MVB12B: variants seen among roughly 807,000 people sequenced by gnomAD.
The protein encoded by MVB12B is multivesicular body subunit 12B.
MVB12B carries 16 observed loss-of-function variants against 41.6 expected under a neutral mutation model. The ratio of observed to expected loss-of-function variants is 0.38; its 90% CI spans 0.26 to 0.58. The LOEUF (loss-of-function observed/expected upper bound fraction) is 0.58, where lower values mean the gene tolerates loss of function less well. Ranked by LOEUF, MVB12B falls within the 20% of genes least tolerant of loss-of-function variation. The pLI is 0.62. For synonymous variants in MVB12B, 133 were observed against 139.7 expected, an observed-to-expected ratio of 0.95 and a Z score of 0.34; for missense variants, 274 against 380.2, an observed-to-expected ratio of 0.72 and a Z score of 2.32.
intron 5 of MVB12B, among the ~76,000 whole-genome samples, chr9:126,394,456 G>A (rs1468013419): frequency 1.3e-5 from 2 of 152,096 alleles, no homozygotes. Context: ...TCATCTTGGG[G>A]CAACAGTTCT....
At chr9:126,374,719 A>G (rs1830434443) in intron 2 of MVB12B, among the ~76,000 whole-genome samples, 1 of 152,176 alleles carries the variant, frequency 6.6e-6, no homozygotes, top group Non-Finnish European at 1.5e-5. Context: ...AGCTTTGGAC[A>G]TTGTCACCCA....
chr9:126,421,899 C>T lies in MVB12B; in HGVS notation c.708C>T (p.Ser236=), dbSNP rs1309589087. The T allele has an allele frequency of 6.2e-7, 1 of 1,613,974 alleles. No individual in the cohort carries two copies. Among genetic ancestry groups the T allele is most frequent in the African/African-American group, 1.3e-5 (1 of 74,898 alleles). Reference sequence around the variant, plus strand: ...CTGCCACCTTCCGAGGCAGGAACAGCACCCGGACGGACTACGAGTACCAGC... The same window carrying T: ...CTGCCACCTTCCGAGGCAGGAACAGTACCCGGACGGACTACGAGTACCAGC... ...TLPATFRGRN[S]TRTDYEYQHS... The change falls in exon 7 of 10, where the codon AGC becomes AGT. Residue 236 remains serine, a synonymous_variant. Transcript: ENST00000361171.
At chr9:126,460,296 C>T (rs2119174858) in intron 7 of MVB12B, among the ~76,000 whole-genome samples, 1 of 152,286 alleles carries the variant, frequency 6.6e-6, no homozygotes, top group South Asian at 2.1e-4. Flanking sequence ...CACAGGCACT[C>T]GGGCCTCAGT....
intron 9 of MVB12B, among the ~76,000 whole-genome samples, chr9:126,502,357 TAAGTG>T (rs1446231795): frequency 6.6e-6 from 1 of 152,086 alleles, no homozygotes; most frequent in Non-Finnish European, 1.5e-5. Context: ...CCTGGCCTCT[TAAGTG>T]AACTACAGGT....
At chr9:126,396,626 C>A in intron 6 of MVB12B, 2 of 985,470 alleles carry the variant, frequency 2.0e-6, no homozygotes, top group Non-Finnish European at 2.4e-6. Context: ...CTGTGCCAAG[C>A]CTCCGTCTCA....
intron 6 of MVB12B, among the ~76,000 whole-genome samples, chr9:126,415,335 C>G (rs1317787366): frequency 6.6e-6 from 1 of 152,162 alleles, no homozygotes; most frequent in Non-Finnish European, 1.5e-5. Flanking sequence ...GGATGCCAGT[C>G]CATAGACACT....
chr9:126,496,651 T>C (rs1351913686), intron 9 of MVB12B, among the ~76,000 whole-genome samples: 1 of 152,022 alleles, frequency 6.6e-6, no homozygotes, highest in Non-Finnish European at 1.5e-5. Context: ...TAAGGACACG[T>C]AGGACTTTGC....
chr9:126,400,081 C>T (rs1831227772), intron 6 of MVB12B, among the ~76,000 whole-genome samples: 2 of 152,206 alleles, frequency 1.3e-5, no homozygotes, highest in Non-Finnish European at 2.9e-5. Context: ...TGGAGTCCTG[C>T]TCCTGGGGCG....
At chr9:126,378,514 G>T (rs1410321633) in intron 2 of MVB12B, among the ~76,000 whole-genome samples, 6 of 152,080 alleles carry the variant, frequency 3.9e-5, no homozygotes, top group Admixed American at 3.9e-4. Flanking sequence ...CTGGTCCTGT[G>T]GGTCCCTGAA....
Position 126,369,718 on chromosome 9 carries a change from A to G in MVB12B, c.205-11346A>G, listed in dbSNP as rs146765762. The stretch of plus-strand genomic sequence containing the variant: ...GCCCAGGCTAGAGTGCAATAGCGCA[A>G]TCTCAGCTCACTGCAACCTCCGCCT... On this transcript the variant is annotated intron_variant, in intron 2 of 9. Coordinates refer to ENST00000361171, the MANE Select transcript of MVB12B (RefSeq NM_033446.3). Among the ~76,000 whole-genome samples, 902 of 152,302 alleles carry G rather than the reference A, an allele frequency of 5.9e-3. 7 individuals carry two copies. Among genetic ancestry groups the G allele is most frequent in the African/African-American group, 0.021 (876 of 41,562 alleles).
At chr9:126,331,782 C>T (rs897966023) in intron 1 of MVB12B, among the ~76,000 whole-genome samples, 1 of 152,216 alleles carries the variant, frequency 6.6e-6, no homozygotes, top group South Asian at 2.1e-4. Flanking sequence ...CATCCCATTC[C>T]TCTGCTCTGC....
intron 9 of MVB12B, among the ~76,000 whole-genome samples, chr9:126,498,107 G>T (rs1427550173): frequency 2.0e-5 from 3 of 152,238 alleles, no homozygotes; most frequent in Admixed American, 1.3e-4. Context: ...CGTTTCAGAA[G>T]CCAGGGCTGC....
At chr9:126,338,416 A>G (rs1024627236) in intron 1 of MVB12B, among the ~76,000 whole-genome samples, 26 of 152,222 alleles carry the variant, frequency 1.7e-4, no homozygotes, top group Admixed American at 1.2e-3. Flanking sequence ...GGCCATTGTC[A>G]TCATCGTACC....
chr9:126,439,696 T>C (rs1031921501), intron 7 of MVB12B, among the ~76,000 whole-genome samples: 1 of 152,200 alleles, frequency 6.6e-6, no homozygotes, highest in African/African-American at 2.4e-5. Context: ...AAACTCAAAA[T>C]GTATTTTTGT....
chr9:126,402,915 G>A (rs952956784), intron 6 of MVB12B, among the ~76,000 whole-genome samples: 1 of 152,228 alleles, frequency 6.6e-6, no homozygotes, highest in African/African-American at 2.4e-5. Flanking sequence ...CAGCACGGGG[G>A]TGTGAATGAT....
intron 7 of MVB12B, among the ~76,000 whole-genome samples, chr9:126,479,514 G>A (rs1442594162): frequency 5.3e-5 from 8 of 152,218 alleles, no homozygotes; most frequent in African/African-American, 2.4e-5. Context: ...TGTACTGAAC[G>A]AGATTGAGGC....
chr9:126,449,370 G>A (rs1588182395), intron 7 of MVB12B, among the ~76,000 whole-genome samples: 1 of 152,182 alleles, frequency 6.6e-6, no homozygotes, highest in African/African-American at 2.4e-5. Flanking sequence ...GGCAACGGCT[G>A]TAGAGAAGAC....
chr9:126,397,193 A>C, intron 6 of MVB12B: 1 of 985,494 alleles, frequency 1.0e-6, no homozygotes, highest in South Asian at 4.7e-5. Flanking sequence ...TGCTGACATC[A>C]TGTGGTCTAG....
chr9:126,359,343 C>T (rs1189626252), intron 2 of MVB12B, among the ~76,000 whole-genome samples: 3 of 151,918 alleles, frequency 2.0e-5, no homozygotes, highest in East Asian at 1.9e-4. Context: ...TGTGTATGTT[C>T]ATAAGGAATA....
Sources: gnomAD v4.1 joint callset for allele counts (sites outside exome capture counted in the v4.1 genomes callset) on GRCh38, gnomAD v4.1.1 for gene constraint, MANE v1.5 for transcripts, NCBI Gene and HGNC (gene_info 2026-07-23, HGNC 2026-07-21) for gene names.